SLC5A4: variants seen among roughly 807,000 people sequenced by gnomAD.
The protein encoded by SLC5A4 is solute carrier family 5 member 4.
In SLC5A4, 55 loss-of-function variants were observed where a neutral mutation model predicts 70.3. The ratio of observed to expected loss-of-function variants is 0.78; its 90% CI spans 0.63 to 0.98. SLC5A4 has a LOEUF of 0.98. SLC5A4 is among the 50% of genes least tolerant of loss of function. The probability of loss-of-function intolerance (pLI) is 0.00; values close to 1 mark genes in which losing one functional copy is unlikely to be tolerated. For missense variants in SLC5A4, 735 were observed against 839.2 expected (o/e 0.88, Z 1.53); for synonymous variants, 268 against 305.7 (o/e 0.88, Z 1.29).
chr22:32,341,345 G>A, the SLC5A4 span, among the ~76,000 whole-genome samples: 8 of 152,194 alleles, frequency 5.3e-5, no homozygotes, highest in Non-Finnish European at 1.0e-4. Flanking sequence ...AAGGGCGGCC[G>A]TGAGGGGCCA....
At chr22:32,312,360 C>T in the SLC5A4 span, among the ~76,000 whole-genome samples, 1,423 of 107,294 alleles carry the variant, frequency 0.013, 16 homozygotes, top group South Asian at 0.041. Context: ...ATCACACGCG[C>T]GCGCGCACAC....
At chr22:32,298,206 C>A in the SLC5A4 span, among the ~76,000 whole-genome samples, 9 of 144,878 alleles carry the variant, frequency 6.2e-5, no homozygotes, top group Admixed American at 6.3e-4. Context: ...TCCTGGGTAT[C>A]CTTGTTGACT....
chr22:32,226,891 A>G (rs969713505), intron 11 of SLC5A4, among the ~76,000 whole-genome samples: 1 of 151,982 alleles, frequency 6.6e-6, no homozygotes, highest in African/African-American at 2.4e-5. Flanking sequence ...AACATATCAC[A>G]TATGTGACTG....
At position 32,234,945 on chromosome 22, in the gene SLC5A4, A is replaced by C. The variant is rs759707905; in HGVS notation, c.813T>G (p.Thr271=). The C allele has an allele frequency of 6.2e-7, 1 of 1,613,214 alleles. No individual in the cohort carries two copies. The highest frequency in any genetic ancestry group is 1.7e-5 in the Admixed American group (1 of 60,002). The change falls in exon 8 of 15, where the codon ACT becomes ACG. Residue 271 remains threonine (T), a synonymous_variant. Coordinates refer to ENST00000266086, the MANE Select transcript of SLC5A4 (RefSeq NM_014227.3). The part of the protein sequence containing the change: ...DSFHIFRDAV[T]GDIPWPGIIF... The stretch of plus-strand genomic sequence containing the variant: ...TAATTCCTGGCCATGGAATGTCCCC[A>C]GTCACAGCATCTCGGAAGATGTGGA...
intron 6 of SLC5A4, among the ~76,000 whole-genome samples, chr22:32,238,679 T>C (rs1234687400): frequency 6.6e-6 from 1 of 152,210 alleles, no homozygotes; most frequent in Non-Finnish European, 1.5e-5. Context: ...CCCAACCGTC[T>C]GTGTGGATGA....
the SLC5A4 span, among the ~76,000 whole-genome samples, chr22:32,343,507 G>A: frequency 2.6e-5 from 4 of 152,170 alleles, no homozygotes; most frequent in Admixed American, 6.5e-5. Flanking sequence ...GGTTGCTGAT[G>A]GCATCACAGA....
At chr22:32,322,314 G>A in the SLC5A4 span, among the ~76,000 whole-genome samples, 23 of 152,306 alleles carry the variant, frequency 1.5e-4, no homozygotes, top group African/African-American at 5.3e-4. Flanking sequence ...AGCAGGCCAG[G>A]GGCAGTGGCT....
the SLC5A4 span, among the ~76,000 whole-genome samples, chr22:32,274,497 C>T: frequency 4.5e-4 from 68 of 152,162 alleles, no homozygotes; most frequent in East Asian, 0.01. Context: ...CACTTACACT[C>T]TACTGAGAAG....
the SLC5A4 span, among the ~76,000 whole-genome samples, chr22:32,347,015 A>C: frequency 6.6e-6 from 1 of 152,200 alleles, no homozygotes; most frequent in African/African-American, 2.4e-5. Flanking sequence ...CAAGAAAAAA[A>C]CAAACAACCC....
At chr22:32,309,504 G>A in the SLC5A4 span, among the ~76,000 whole-genome samples, 1 of 152,234 alleles carries the variant, frequency 6.6e-6, no homozygotes, top group East Asian at 1.9e-4. Context: ...GCTTGAACTT[G>A]TCACTACCCT....
the SLC5A4 span, among the ~76,000 whole-genome samples, chr22:32,336,417 T>C: frequency 6.6e-6 from 1 of 152,228 alleles, no homozygotes; most frequent in African/African-American, 2.4e-5. Flanking sequence ...TTAAGGCATT[T>C]TAATTAAGAT....
At chr22:32,294,642 T>C in the SLC5A4 span, among the ~76,000 whole-genome samples, 1 of 145,550 alleles carries the variant, frequency 6.9e-6, no homozygotes. Context: ...TTAAGAGTAT[T>C]ATATAAATAC....
intron 13 of SLC5A4, among the ~76,000 whole-genome samples, chr22:32,223,252 C>A (rs949650749): frequency 2.6e-5 from 4 of 152,106 alleles, no homozygotes; most frequent in Admixed American, 2.6e-4. Context: ...CAGAGAAAAT[C>A]CTTATACACA....
At chr22:32,221,833 C>T (rs563652590) in intron 13 of SLC5A4, among the ~76,000 whole-genome samples, 2 of 152,254 alleles carry the variant, frequency 1.3e-5, no homozygotes, top group South Asian at 4.1e-4. Flanking sequence ...TCACTGCAAC[C>T]TCCGCCTCCT....
intron 14 of SLC5A4, among the ~76,000 whole-genome samples, chr22:32,219,649 A>AAAAAAAAAAAT (rs1406193474): frequency 6.7e-6 from 1 of 149,004 alleles, no homozygotes; most frequent in African/African-American, 2.4e-5. Flanking sequence ...AAAAAAAAAA[A>AAAAAAAAAAAT]AAAGAATAAA....
intron 5 of SLC5A4, 117 bp downstream of exon 5, chr22:32,247,294 T>C (rs1461613794): frequency 1.5e-6 from 1 of 673,116 alleles, no homozygotes; most frequent in Non-Finnish European, 2.7e-6. Flanking sequence ...AAGACATCCA[T>C]ATCCTTGACC....
chr22:32,293,591 T>C, the SLC5A4 span, among the ~76,000 whole-genome samples: 2 of 152,138 alleles, frequency 1.3e-5, no homozygotes, highest in Admixed American at 6.6e-5. Context: ...TTCTCTGCAG[T>C]TGTTATGTAT....
intron 11 of SLC5A4, among the ~76,000 whole-genome samples, chr22:32,228,814 C>A (rs554267617): frequency 6.6e-6 from 1 of 152,160 alleles, no homozygotes; most frequent in East Asian, 1.9e-4. Context: ...AAGACTTAAT[C>A]CATTACCTCC....
the SLC5A4 span, among the ~76,000 whole-genome samples, chr22:32,304,311 C>T: frequency 0.48 from 72,676 of 151,560 alleles, 17,564 homozygotes; most frequent in Admixed American, 0.51. Context: ...GGGTTTTTTT[C>T]CGTATTTTTA....
Sources: gnomAD v4.1 joint callset for allele counts (sites outside exome capture counted in the v4.1 genomes callset) on GRCh38, gnomAD v4.1.1 for gene constraint, MANE v1.5 for transcripts, NCBI Gene and HGNC (gene_info 2026-07-23, HGNC 2026-07-21) for gene names.